DBH: variants seen among roughly 807,000 people sequenced by gnomAD.
DBH encodes the protein dopamine beta-hydroxylase.
Under a neutral mutation model 64.0 loss-of-function variants are expected in DBH, and 49 were observed. The observed-to-expected ratio is 0.77, with a 90% CI of 0.61 to 0.97. DBH has a LOEUF of 0.97. Among genes scored for constraint, DBH ranks in the 50% least tolerant of loss-of-function variants. The pLI is 0.00. For missense variants in DBH, 828 were observed against 826.6 expected (o/e 1.00, Z -0.02); for synonymous variants, 343 against 347.1 (o/e 0.99, Z 0.13).
chr9:133,655,227 A>G (rs541361644), intron 9 of DBH: 1 of 152,318 alleles, frequency 6.6e-6, no homozygotes, highest in East Asian at 1.9e-4. Flanking sequence ...CCCCAGGTGG[A>G]CCTGAGCTTC....
intron 2 of DBH, among the ~76,000 whole-genome samples, chr9:133,640,590 C>T (rs1025781323): frequency 6.6e-6 from 1 of 152,362 alleles, no homozygotes; most frequent in East Asian, 1.9e-4. Context: ...ACCCACCTTG[C>T]CCTTGAAGAC....
At chr9:133,637,456 C>CA (rs1170102107) in intron 1 of DBH, among the ~76,000 whole-genome samples, 10 of 152,258 alleles carry the variant, frequency 6.6e-5, no homozygotes, top group African/African-American at 2.4e-4. Flanking sequence ...CTCCAGCCTT[C>CA]CTTTCCACAT....
chr9:133,657,653 C>T (rs3025423), intron 11 of DBH, among the ~76,000 whole-genome samples: 21 of 152,238 alleles, frequency 1.4e-4, no homozygotes, highest in African/African-American at 5.1e-4. Context: ...AATAAAGCAC[C>T]AGGGGAGGGG....
chr9:133,652,422 C>A, intron 8 of DBH, 138 bp downstream of exon 8: 3 of 1,046,400 alleles, frequency 2.9e-6, no homozygotes, highest in South Asian at 1.3e-5. Context: ...GGGGAGGGTG[C>A]CTGTGGGTGG....
chr9:133,651,547 G>T, intron 6 of DBH, 87 bp from the exon 7 acceptor site: 1 of 1,557,410 alleles, frequency 6.4e-7, no homozygotes, highest in Non-Finnish European at 8.8e-7. Flanking sequence ...ACTGCCCAGG[G>T]TGGCTGCTCC....
In DBH at chr9:133,658,586, A is replaced by G. The variant is rs1832367637; in HGVS notation, c.*139A>G. ...GGGCCAGACCACGCCCCTGCCTGAG[A>G]CCACGGTCCAATCCAGCCTTCTTCC... On this transcript the variant is annotated 3_prime_UTR_variant, in exon 12 of 12. Coordinates refer to ENST00000393056, the MANE Select transcript of DBH (RefSeq NM_000787.4). The G allele has an allele frequency of 9.9e-7, 1 of 1,011,518 alleles. No individual in the cohort carries two copies. The highest frequency in any genetic ancestry group is 1.4e-6 in the Non-Finnish European group (1 of 720,604). 62.7% of individuals were successfully genotyped at this position (1,011,518 alleles called of 1,614,324 possible). A position where few individuals can be genotyped will look rare whatever the true frequency, so the allele number is the denominator to read the frequency against.
chr9:133,650,738 G>C (rs911348183), intron 6 of DBH, among the ~76,000 whole-genome samples: 2 of 151,590 alleles, frequency 1.3e-5, no homozygotes, highest in African/African-American at 4.8e-5. Flanking sequence ...AGTAGAGGCG[G>C]GGTTTTACCA....
chr9:133,644,401 C>A, intron 5 of DBH, 81 bp downstream of exon 5: 1 of 1,164,932 alleles, frequency 8.6e-7, no homozygotes, highest in Non-Finnish European at 1.3e-6. Flanking sequence ...CGCCCTTCGT[C>A]TGCCCAGCAT....
chr9:133,646,026 A>G (rs1360886860), intron 5 of DBH, among the ~76,000 whole-genome samples: 1 of 152,166 alleles, frequency 6.6e-6, no homozygotes, highest in Non-Finnish European at 1.5e-5. Context: ...GCAGAAAAGC[A>G]TGAAGAAGAT....
intron 9 of DBH, among the ~76,000 whole-genome samples, chr9:133,654,350 G>T (rs1237891684): frequency 6.6e-6 from 1 of 152,096 alleles, no homozygotes; most frequent in African/African-American, 2.4e-5. Context: ...CCCTCATGCT[G>T]GGATTACAGG....
At chr9:133,657,921 T>A (rs991623315) in intron 11 of DBH, among the ~76,000 whole-genome samples, 1 of 152,174 alleles carries the variant, frequency 6.6e-6, no homozygotes, top group Non-Finnish European at 1.5e-5. Context: ...TAATACTGGC[T>A]TGCTGAGAAT....
chr9:133,651,801 GC>G (rs1832252677), intron 7 of DBH, 24 bp downstream of exon 7: 2 of 1,496,510 alleles, frequency 1.3e-6, no homozygotes, highest in Non-Finnish European at 1.8e-6. Context: ...CCCCACCCCT[GC>G]CCCGCCCCCA....
In DBH at chr9:133,656,600, G is replaced by T; in HGVS notation, c.1512G>T (p.Lys504Asn). 6.2e-7 allele frequency: 1 copy of T among 1,613,694 alleles called. No homozygotes were observed. Among genetic ancestry groups the T allele is most frequent in the South Asian group, 1.1e-5 (1 of 91,074 alleles). Residue 504 changes from lysine to asparagine, a missense_variant, in exon 10 of 12, where the codon AAG becomes AAT. Physicochemically the swap from Lys to Asn is moderately conservative, Grantham distance 94 (BLOSUM62 0). Coordinates refer to ENST00000393056, the MANE Select transcript of DBH (RefSeq NM_000787.4). ...CCCAGACGCAGCTGGAGCTCTGCAA[G>T]AGCGCTGTGGACGCCGGCTTCCTGC... ...YYPQTQLELC[K>N]SAVDAGFLQK...
intron 6 of DBH, among the ~76,000 whole-genome samples, chr9:133,649,923 T>C (rs142163267): frequency 6.6e-6 from 1 of 152,342 alleles, no homozygotes; most frequent in African/African-American, 2.4e-5. Context: ...AATGAGAATG[T>C]TCAGTCTTGT....
At chr9:133,657,552 G>C (rs1320614374) in intron 11 of DBH, among the ~76,000 whole-genome samples, 3 of 152,024 alleles carry the variant, frequency 2.0e-5, no homozygotes, top group Non-Finnish European at 4.4e-5. Context: ...AGGCAAGGAA[G>C]GGAGGGCAGG....
chr9:133,651,679 A>G lies in DBH; in HGVS notation c.1237A>G (p.Thr413Ala), dbSNP rs1447229451. ...CCACATCTTCGCCTCTCAGCTCCAC[A>G]CACACCTGACTGGGAGAAAGGTGGT... ...GIHIFASQLH[T>A]HLTGRKVVTV... Residue 413 changes from threonine to alanine, a missense_variant, in exon 7 of 12, where the codon ACA (threonine) becomes GCA (alanine). Thr to Ala is a moderately conservative substitution (Grantham distance 58). Transcript: ENST00000393056. 6.2e-7 allele frequency: 1 copy of G among 1,613,850 alleles called. No homozygotes were observed. Among genetic ancestry groups the G allele is most frequent in the Admixed American group, 1.7e-5 (1 of 60,020 alleles).
intron 6 of DBH, among the ~76,000 whole-genome samples, chr9:133,650,575 T>C (rs1174776340): frequency 1.5e-4 from 21 of 144,716 alleles, no homozygotes; most frequent in African/African-American, 5.4e-4. Flanking sequence ...TTGATGGAGT[T>C]TCGCTCCTGT....
intron 5 of DBH, among the ~76,000 whole-genome samples, chr9:133,646,778 C>T (rs1473141967): frequency 6.6e-6 from 1 of 152,218 alleles, no homozygotes; most frequent in East Asian, 1.9e-4. Context: ...CACACCTCGG[C>T]CTCCCAAAGT....
At chr9:133,656,018 C>T (rs1265723137) in intron 9 of DBH, 2 of 229,430 alleles carry the variant, frequency 8.7e-6, no homozygotes, top group Non-Finnish European at 1.8e-5. Flanking sequence ...AGTCCCTGCT[C>T]CCCTCAGAGC....
Sources: gnomAD v4.1 joint callset for allele counts (sites outside exome capture counted in the v4.1 genomes callset) on GRCh38, gnomAD v4.1.1 for gene constraint, MANE v1.5 for transcripts, NCBI Gene and HGNC (gene_info 2026-07-23, HGNC 2026-07-21) for gene names.